ZNF385D: variants seen among roughly 807,000 people sequenced by gnomAD.
The protein encoded by ZNF385D is zinc finger protein 385D, also known as zinc finger protein 659.
ZNF385D carries 15 observed loss-of-function variants against 35.8 expected under a neutral mutation model. The observed-to-expected ratio is 0.42, with a 90% CI of 0.28 to 0.64. The LOEUF is 0.64. Among genes scored for constraint, ZNF385D ranks in the 30% least tolerant of loss-of-function variants. The pLI is 0.23. For missense variants in ZNF385D, 474 were observed against 494.6 expected, an observed-to-expected ratio of 0.96 and a Z score of 0.39; for synonymous variants, 212 against 186.8, an observed-to-expected ratio of 1.13 and a Z score of -1.10.
intron 2 of ZNF385D, among the ~76,000 whole-genome samples, chr3:22,236,494 T>C (rs1034025230): frequency 6.6e-6 from 1 of 152,172 alleles, no homozygotes; most frequent in Middle Eastern, 3.2e-3. Context: ...ACCACATGCA[T>C]GAATTGAAAA....
chr3:21,856,943 A>C (rs1696748350), intron 3 of ZNF385D, among the ~76,000 whole-genome samples: 1 of 152,118 alleles, frequency 6.6e-6, no homozygotes, highest in Non-Finnish European at 1.5e-5. Flanking sequence ...AGAAGAGGCC[A>C]ATCTAAGTGG....
chr3:21,441,813 T>C, intron 4 of ZNF385D: 1 of 809,746 alleles, frequency 1.2e-6, no homozygotes, highest in Non-Finnish European at 1.5e-6. Context: ...TTCAGATTTC[T>C]TTGCACTACT....
At chr3:21,943,755 G>A (rs1701647606) in intron 3 of ZNF385D, among the ~76,000 whole-genome samples, 1 of 152,084 alleles carries the variant, frequency 6.6e-6, no homozygotes, top group Admixed American at 6.6e-5. Flanking sequence ...AGCAAAGAAG[G>A]AAATAAAGAT....
intron 3 of ZNF385D, among the ~76,000 whole-genome samples, chr3:21,924,395 T>C (rs1424106352): frequency 6.6e-6 from 1 of 152,044 alleles, no homozygotes; most frequent in Non-Finnish European, 1.5e-5. Flanking sequence ...AGAGTGCAGA[T>C]GAAAAAAGCC....
chr3:21,985,518 C>G (rs1209946504), intron 3 of ZNF385D, among the ~76,000 whole-genome samples: 1 of 115,784 alleles, frequency 8.6e-6, no homozygotes, highest in African/African-American at 3.8e-5. Flanking sequence ...GGATGAAGCC[C>G]ACTTGATCAT....
At chr3:22,087,846 A>T (rs907416742) in intron 3 of ZNF385D, among the ~76,000 whole-genome samples, 3 of 152,220 alleles carry the variant, frequency 2.0e-5, no homozygotes, top group African/African-American at 7.2e-5. Context: ...TATAGGAATG[A>T]TTATCCAAAA....
chr3:22,174,773 G>T (rs540665709), intron 2 of ZNF385D, among the ~76,000 whole-genome samples: 1 of 152,162 alleles, frequency 6.6e-6, no homozygotes, highest in East Asian at 1.9e-4. Flanking sequence ...ATGACAGCTG[G>T]CTATTTCATT....
At chr3:21,725,108 G>C (rs926464975) in intron 1 of ZNF385D, among the ~76,000 whole-genome samples, 3 of 152,114 alleles carry the variant, frequency 2.0e-5, no homozygotes, top group Non-Finnish European at 2.9e-5. Context: ...AATGAGGGCA[G>C]AAATAAAGAT....
rs546885026 is a variant in ZNF385D, at chr3:21,500,156, C to A, written c.439+10705G>T. On this transcript the variant is annotated intron_variant, in intron 4 of 7. Coordinates refer to ENST00000281523, the MANE Select transcript of ZNF385D (RefSeq NM_024697.3). ...AAACTCTGAGCTACACTGGTTAATA[C>A]CTTTGATTTGTATCACAAAGTAGTT... is the stretch of plus-strand genomic sequence containing the variant. Among the ~76,000 whole-genome samples, 174 of 152,176 alleles carry A rather than the reference C, an allele frequency of 1.1e-3. 1 individual carries two copies. The highest frequency in any genetic ancestry group is 4.1e-3 in the African/African-American group (170 of 41,522).
Position 21,580,819 on chromosome 3 carries a change from ATG to A in ZNF385D, c.166-16137_166-16136del, listed in dbSNP as rs1491539571. The stretch of plus-strand genomic sequence containing the variant: ...TGTCTATGTGTGTGTATATATATAT[ATG>A]TATATACATATTATTTCTGTGCTGA... On this transcript the variant is annotated intron_variant, in intron 2 of 7. Coordinates refer to ENST00000281523, the MANE Select transcript of ZNF385D (RefSeq NM_024697.3). Among the ~76,000 whole-genome samples, 7 of 150,648 alleles carry A rather than the reference ATG, an allele frequency of 4.6e-5. No individual in the cohort carries two copies. The East Asian group carries it at 1.4e-3, about 29-fold the overall frequency.
intron 3 of ZNF385D, among the ~76,000 whole-genome samples, chr3:21,557,093 T>A (rs2062768727): frequency 6.6e-6 from 1 of 152,200 alleles, no homozygotes; most frequent in Admixed American, 6.5e-5. Flanking sequence ...TATCTAAATA[T>A]ACAATCATGT....
chr3:21,705,976 G>A (rs553002780), intron 1 of ZNF385D, among the ~76,000 whole-genome samples: 5 of 152,280 alleles, frequency 3.3e-5, no homozygotes, highest in South Asian at 2.1e-4. Context: ...AGCATGACTC[G>A]ATCAATGATG....
intron 2 of ZNF385D, among the ~76,000 whole-genome samples, chr3:22,354,387 G>A (rs763380688): frequency 6.6e-6 from 1 of 151,982 alleles, no homozygotes; most frequent in Non-Finnish European, 1.5e-5. Context: ...TGCTGTTGCT[G>A]CTATTATGAA....
chr3:22,181,095 T>C (rs570555180), intron 2 of ZNF385D, among the ~76,000 whole-genome samples: 17 of 152,194 alleles, frequency 1.1e-4, no homozygotes, highest in African/African-American at 4.1e-4. Flanking sequence ...TCTTATATTA[T>C]CTGCAACCAG....
intron 3 of ZNF385D, among the ~76,000 whole-genome samples, chr3:22,084,586 C>A (rs572403107): frequency 6.6e-6 from 1 of 152,094 alleles, no homozygotes; most frequent in Admixed American, 6.6e-5. Flanking sequence ...AAGCAAGTCC[C>A]TAGCAACCTA....
At chr3:21,526,208 A>G (rs1447364260) in intron 3 of ZNF385D, among the ~76,000 whole-genome samples, 1 of 152,052 alleles carries the variant, frequency 6.6e-6, no homozygotes, top group Non-Finnish European at 1.5e-5. Flanking sequence ...GTATTCCAAA[A>G]TTTAGTTTTT....
chr3:21,977,728 C>A (rs942872655), intron 3 of ZNF385D, among the ~76,000 whole-genome samples: 1 of 151,790 alleles, frequency 6.6e-6, no homozygotes, highest in Non-Finnish European at 1.5e-5. Context: ...CCCAGCTACT[C>A]GGGAGGCTGA....
intron 3 of ZNF385D, among the ~76,000 whole-genome samples, chr3:21,763,994 G>T (rs1026472209): frequency 6.6e-6 from 1 of 152,152 alleles, no homozygotes; most frequent in African/African-American, 2.4e-5. Context: ...CAAAGAATGA[G>T]ATACTGCAAT....
At chr3:21,616,861 A>T (rs1025192909) in intron 2 of ZNF385D, among the ~76,000 whole-genome samples, 1 of 152,220 alleles carries the variant, frequency 6.6e-6, no homozygotes, top group Non-Finnish European at 1.5e-5. Context: ...TTATAAAAGG[A>T]AATGTGTGTA....
Sources: allele counts gnomAD v4.1 joint callset (sites outside exome capture counted in the v4.1 genomes callset), GRCh38; gene constraint gnomAD v4.1.1; transcripts MANE v1.5; gene names NCBI Gene and HGNC (gene_info 2026-07-23, HGNC 2026-07-21).